The following ADCY10 variants were observed in gnomAD, a reference collection of about 807,000 sequenced individuals.
The protein encoded by ADCY10 is adenylate cyclase 10.
ADCY10 carries 156 observed loss-of-function variants against 183.3 expected under a neutral mutation model. The ratio of observed to expected loss-of-function variants is 0.85; its 90% CI spans 0.75 to 0.97. The LOEUF (loss-of-function observed/expected upper bound fraction) is 0.97, where lower values mean the gene tolerates loss of function less well. ADCY10 is among the 50% of genes least tolerant of loss of function. The pLI is 0.00. For missense variants in ADCY10, 1,745 were observed against 1,934.3 expected, an observed-to-expected ratio of 0.90 and a Z score of 1.84; for synonymous variants, 645 against 670.0, an observed-to-expected ratio of 0.96 and a Z score of 0.58.
intron 18 of ADCY10, among the ~76,000 whole-genome samples, chr1:167,853,104 A>C (rs944700689): frequency 6.6e-6 from 1 of 152,164 alleles, no homozygotes; most frequent in Non-Finnish European, 1.5e-5. Context: ...TCACCTCATC[A>C]TGACACTGAT....
intron 8 of ADCY10, among the ~76,000 whole-genome samples, chr1:167,892,037 A>AAC: frequency 6.6e-6 from 1 of 151,406 alleles, no homozygotes; most frequent in African/African-American, 2.4e-5. Flanking sequence ...GCAGTGGAGC[A>AAC]ATCTCGGCTC....
intron 21 of ADCY10, among the ~76,000 whole-genome samples, chr1:167,844,364 C>T (rs1053063859): frequency 6.6e-6 from 1 of 152,196 alleles, no homozygotes; most frequent in Non-Finnish European, 1.5e-5. Context: ...AGTGTTAGTG[C>T]AGTTTCAACA....
intron 1 of ADCY10, among the ~76,000 whole-genome samples, chr1:167,907,015 TA>T (rs1269394167): frequency 1.3e-5 from 2 of 152,192 alleles, no homozygotes; most frequent in African/African-American, 4.8e-5. Flanking sequence ...TTGAAAAGTA[TA>T]ACAAGCATTG....
chr1:167,858,497 C>CAAAAAAAAAA (rs57443879), intron 16 of ADCY10, among the ~76,000 whole-genome samples: 1 of 70,322 alleles, frequency 1.4e-5, no homozygotes, highest in South Asian at 5.6e-4. Flanking sequence ...GACTCTGTCT[C>CAAAAAAAAAA]AAAAAAAAAA....
At chr1:167,884,677 T>C (rs1396001669) in intron 8 of ADCY10, among the ~76,000 whole-genome samples, 3 of 150,212 alleles carry the variant, frequency 2.0e-5, no homozygotes, top group Non-Finnish European at 4.4e-5. Context: ...TCTACCCCCA[T>C]GAGTTCAATC....
At chr1:167,898,580 C>T (rs186334915) in intron 6 of ADCY10, among the ~76,000 whole-genome samples, 72 of 138,960 alleles carry the variant, frequency 5.2e-4, no homozygotes, top group Non-Finnish European at 1.0e-3. Context: ...GCCTGGTCAA[C>T]AGAGCGAGAC....
At chr1:167,817,955 A>C in intron 31 of ADCY10, 117 bp downstream of exon 31, 1 of 1,121,700 alleles carries the variant, frequency 8.9e-7, no homozygotes, top group Non-Finnish European at 1.3e-6. Context: ...AAGTGCCTTC[A>C]AAAACTTCTA....
At chr1:167,853,830 CTTTTTTTTTTTTTTTTTT>C (rs538462140) in intron 18 of ADCY10, among the ~76,000 whole-genome samples, 1 of 77,184 alleles carries the variant, frequency 1.3e-5, no homozygotes, top group Non-Finnish European at 2.4e-5. Flanking sequence ...ACTATAGTTA[CTTTTTTTTTTTTTTTTTT>C]TTTTTTTTGA....
At chr1:167,817,900 G>A (rs1662625812) in intron 31 of ADCY10, among the ~76,000 whole-genome samples, 172 bp downstream of exon 31, 1 of 152,210 alleles carries the variant, frequency 6.6e-6, no homozygotes. Context: ...TTATCTCTGA[G>A]TAGTAAGGTT....
intron 23 of ADCY10, chr1:167,834,362 T>G: frequency 2.0e-6 from 1 of 497,334 alleles, no homozygotes; most frequent in Non-Finnish European, 3.7e-6. Context: ...CTAGGTTGCC[T>G]TACCCGAAGT....
intron 14 of ADCY10, among the ~76,000 whole-genome samples, chr1:167,863,365 T>C (rs1238875167): frequency 6.6e-6 from 1 of 152,166 alleles, no homozygotes; most frequent in Non-Finnish European, 1.5e-5. Flanking sequence ...TCACAGCCCC[T>C]GTCACGTACC....
intron 11 of ADCY10, among the ~76,000 whole-genome samples, chr1:167,879,678 G>A (rs1310613803): frequency 6.6e-6 from 1 of 152,118 alleles, no homozygotes; most frequent in Non-Finnish European, 1.5e-5. Context: ...AACCCTGATA[G>A]GATGGAAAAG....
At position 167,855,180 on chromosome 1, in the gene ADCY10, C is replaced by T. The variant is rs544337105; in HGVS notation, c.2172-691G>A. Among the ~76,000 whole-genome samples the T allele has an allele frequency of 3.7e-4, 56 of 152,116 alleles. 1 individual carries two copies. The highest frequency in any genetic ancestry group is 1.9e-3 in the South Asian group (9 of 4,810). On this transcript the variant is annotated intron_variant, in intron 17 of 32. Coordinates refer to ENST00000367851, the MANE Select transcript of ADCY10 (RefSeq NM_018417.6). ...TACTAAAAATACAAAATTAGCTGGG[C>T]GTAGTGGGGCATGCCTGCAATCCCA...
intron 31 of ADCY10, among the ~76,000 whole-genome samples, chr1:167,811,618 T>G (rs1028217695): frequency 1.3e-5 from 2 of 152,088 alleles, no homozygotes; most frequent in African/African-American, 4.8e-5. Context: ...CTGAACAGAC[T>G]GGAAGATCAA....
At chr1:167,859,034 A>G (rs1470750019) in intron 16 of ADCY10, among the ~76,000 whole-genome samples, 1 of 152,236 alleles carries the variant, frequency 6.6e-6, no homozygotes, top group Non-Finnish European at 1.5e-5. Flanking sequence ...GGATAACTTT[A>G]AATGATACAG....
intron 14 of ADCY10, among the ~76,000 whole-genome samples, chr1:167,863,789 C>T (rs1163952143): frequency 6.6e-6 from 1 of 152,258 alleles, no homozygotes; most frequent in African/African-American, 2.4e-5. Context: ...AACAGAGTGG[C>T]TGAACACCGG....
intron 26 of ADCY10, among the ~76,000 whole-genome samples, chr1:167,827,133 A>T (rs1347637802): frequency 6.6e-6 from 1 of 151,802 alleles, no homozygotes; most frequent in Non-Finnish European, 1.5e-5. Flanking sequence ...CTTGACAACT[A>T]ATGACTCCAG....
At chr1:167,882,099 A>G (rs1302436207) in intron 9 of ADCY10, among the ~76,000 whole-genome samples, 1 of 152,210 alleles carries the variant, frequency 6.6e-6, no homozygotes, top group Admixed American at 6.5e-5. Flanking sequence ...CTCTGCTTTT[A>G]ATACACAAAA....
chr1:167,874,271 T>C (rs967287200), intron 13 of ADCY10, among the ~76,000 whole-genome samples: 8 of 152,080 alleles, frequency 5.3e-5, no homozygotes, highest in African/African-American at 1.9e-4. Context: ...GTAGAGGTTG[T>C]AGTGAGCCAA....
Sources: gnomAD v4.1 joint callset for allele counts (sites outside exome capture counted in the v4.1 genomes callset) on GRCh38, gnomAD v4.1.1 for gene constraint, MANE v1.5 for transcripts, NCBI Gene and HGNC (gene_info 2026-07-23, HGNC 2026-07-21) for gene names.